Variants in BRAF observed in about 807,000 individuals in gnomAD.
BRAF encodes serine/threonine-protein kinase B-raf.
BRAF carries 16 observed loss-of-function variants against 104.6 expected under a neutral mutation model. The ratio of observed to expected loss-of-function variants is 0.15; its 90% CI spans 0.10 to 0.23. BRAF has a LOEUF of 0.23. Among genes scored for constraint, BRAF ranks in the 10% least tolerant of loss-of-function variants. The pLI is 1.00. For missense variants in BRAF, 541 were observed against 937.3 expected, an observed-to-expected ratio of 0.58 and a Z score of 5.52; for synonymous variants, 310 against 341.6, an observed-to-expected ratio of 0.91 and a Z score of 1.02.
intron 17 of BRAF, among the ~76,000 whole-genome samples, chr7:140,742,695 T>C (rs1482794296): frequency 1.3e-5 from 2 of 152,176 alleles, no homozygotes; most frequent in African/African-American, 4.8e-5. Context: ...CCAAAAGCAA[T>C]GGCAACAAAA....
At chr7:140,900,263 T>C (rs561275164) in intron 1 of BRAF, among the ~76,000 whole-genome samples, 12 of 152,276 alleles carry the variant, frequency 7.9e-5, no homozygotes, top group Non-Finnish European at 1.3e-4. Flanking sequence ...ATTTTCAATG[T>C]AGTCAAATTT....
chr7:140,758,869 C>T (rs944590816), intron 14 of BRAF, among the ~76,000 whole-genome samples: 1 of 152,214 alleles, frequency 6.6e-6, no homozygotes, highest in Admixed American at 6.5e-5. Flanking sequence ...TGACCAGTCA[C>T]AATCAATATA....
In BRAF at chr7:140,719,783, G is replaced by A. The variant is rs1795234879; in HGVS notation, c.*6711C>T. 1 of 1,062,528 alleles carries A rather than the reference G, an allele frequency of 9.4e-7. No individual in the cohort carries two copies. The highest frequency in any genetic ancestry group is 1.1e-6 in the Non-Finnish European group (1 of 877,674). The allele number at this position is 1,062,528 out of a possible 1,614,324, so 65.8% of individuals were successfully genotyped here. A position where few individuals can be genotyped will look rare whatever the true frequency, so the allele number is the denominator to read the frequency against. On this transcript the variant is annotated 3_prime_UTR_variant, in exon 20 of 20. Transcript: ENST00000644969. ...GCAAAGCAGGTATAGAGAGGTCTGT[G>A]GACAATTAAAAAGTCCCCATCTTTT...
At chr7:140,818,613 C>T (rs1041315044) in intron 3 of BRAF, among the ~76,000 whole-genome samples, 21 of 152,214 alleles carry the variant, frequency 1.4e-4, no homozygotes, top group African/African-American at 4.6e-4. Context: ...ACGCCAGCAC[C>T]GGCCAAGTGT....
rs2129018238 is a variant in BRAF, at chr7:140,776,943, C to A, written c.1783G>T (p.Asp595Tyr). The A allele has an allele frequency of 6.2e-7, 1 of 1,613,490 alleles. No homozygotes were observed. ...ETKFEMIKLIDIARQTAQGMD... is the reference protein window; with the variant it reads ...ETKFEMIKLIYIARQTAQGMD... ...CCCTGTGCAGTCTGTCGTGCAATAT[C>A]TATAAGTTTGATCATCTCAAATTTG... Residue 595 changes from aspartate (D) to tyrosine (Y), a missense_variant, in exon 14 of 20, where the codon GAT (aspartate) becomes TAT (tyrosine). Around this residue, in one of 10 missense-constraint regions of BRAF, gnomAD observed 129 missense variants for 285.8 expected, o/e 0.45. Transcript: ENST00000644969.
chr7:140,813,235 A>G (rs923906150), intron 3 of BRAF, among the ~76,000 whole-genome samples: 7 of 152,160 alleles, frequency 4.6e-5, no homozygotes, highest in Non-Finnish European at 7.4e-5. Context: ...AAAGGGAAAA[A>G]TATATGAGAG....
chr7:140,727,889 G>C (rs1795701075), intron 19 of BRAF, among the ~76,000 whole-genome samples: 1 of 152,144 alleles, frequency 6.6e-6, no homozygotes, highest in South Asian at 2.1e-4. Flanking sequence ...CCAAAGTGCT[G>C]GGATTACACG....
intron 17 of BRAF, among the ~76,000 whole-genome samples, chr7:140,742,492 C>G (rs1463398755): frequency 2.6e-5 from 4 of 152,160 alleles, no homozygotes; most frequent in African/African-American, 9.7e-5. Flanking sequence ...CCACGCCCAG[C>G]CAACATGGTG....
rs147635565 is a variant in BRAF at position 140,809,917 on chromosome 7, T to A, written c.505-922A>T. Among the ~76,000 whole-genome samples the A allele has an allele frequency of 1.1e-3, 173 of 152,310 alleles. 1 individual carries two copies. The highest frequency in any genetic ancestry group is 3.3e-3 in the East Asian group (17 of 5,188). ...CTGTATATTTAAAGTTATCTATCTTTAGCCTTTTCCTTGCCTCATCCCCCA... is the reference window on the plus strand; with the variant it reads ...CTGTATATTTAAAGTTATCTATCTTAAGCCTTTTCCTTGCCTCATCCCCCA... On this transcript the variant is annotated intron_variant, in intron 3 of 19. Transcript: ENST00000644969.
intron 3 of BRAF, among the ~76,000 whole-genome samples, chr7:140,811,046 T>C (rs912831275): frequency 6.6e-6 from 1 of 152,196 alleles, no homozygotes; most frequent in African/African-American, 2.4e-5. Context: ...AGTAAGTACA[T>C]GTGTTAGGCC....
intron 1 of BRAF, among the ~76,000 whole-genome samples, chr7:140,921,141 T>C (rs1354091198): frequency 1.3e-5 from 2 of 152,178 alleles, no homozygotes. Context: ...AGCTCCCTTC[T>C]ACAGAAACAG....
chr7:140,760,230 T>A (rs575936282), intron 14 of BRAF, among the ~76,000 whole-genome samples: 1 of 152,024 alleles, frequency 6.6e-6, no homozygotes, highest in Non-Finnish European at 1.5e-5. Flanking sequence ...CTGGCCAACA[T>A]AGTGAAACCC....
rs141414058 is a variant in BRAF at position 140,893,905 on chromosome 7, C to T, written c.138+30661G>A. ...CAGTGGCTCACTCCTGTAATCCCAGCACTTTGGGAGGCCAAGGCGAATTTG... is the reference window on the plus strand; with the variant it reads ...CAGTGGCTCACTCCTGTAATCCCAGTACTTTGGGAGGCCAAGGCGAATTTG... On this transcript the variant is annotated intron_variant, in intron 1 of 19. Coordinates refer to ENST00000644969, the MANE Select transcript of BRAF (RefSeq NM_001374258.1). Among the ~76,000 whole-genome samples the T allele has an allele frequency of 5.0e-3, 762 of 152,218 alleles. 3 individuals are homozygous for T. Among genetic ancestry groups the T allele is most frequent in the African/African-American group, 0.017 (726 of 41,534 alleles).
rs192388879 is a variant in BRAF at position 140,724,285 on chromosome 7, G to C, written c.*2209C>G. 92 of 1,057,878 alleles carry C rather than the reference G, an allele frequency of 8.7e-5. No homozygotes were observed. The South Asian group carries it at 1.3e-3, about 15-fold the overall frequency. 65.5% of individuals were successfully genotyped at this position (1,057,878 alleles called of 1,614,324 possible). The stretch of plus-strand genomic sequence containing the variant: ...AGCAGGACATGAAACACATCCTCTT[G>C]TTCAAGCCCAGGTCTCTCTACCTGC... On this transcript the variant is annotated 3_prime_UTR_variant, in exon 20 of 20. Coordinates refer to ENST00000644969, the MANE Select transcript of BRAF (RefSeq NM_001374258.1).
chr7:140,787,679 T>C (rs996718821), intron 8 of BRAF, 95 bp from the exon 9 acceptor site: 1 of 1,031,036 alleles, frequency 9.7e-7, no homozygotes, highest in East Asian at 2.5e-5. Context: ...AAAAGAATTA[T>C]TTTATTAATT....
rs1278768788 is a variant in BRAF, at chr7:140,770,001, C to CT, written c.1814+6910dup. On this transcript the variant is annotated intron_variant, in intron 14 of 19. Transcript: ENST00000644969. The stretch of plus-strand genomic sequence containing the variant: ...TATTTTAACAGCTACTTCCAGAATG[C>CT]TGTTAAGGTGGCTGGTTGCATCAGA... Among the ~76,000 whole-genome samples, 88 of 152,136 alleles carry CT rather than the reference C, an allele frequency of 5.8e-4. 1 individual carries two copies. The highest frequency in any genetic ancestry group is 3.3e-4 in the Admixed American group (5 of 15,280).
Position 140,852,178 on chromosome 7 carries a change from G to C in BRAF, c.139-1966C>G, listed in dbSNP as rs571847193. Among the ~76,000 whole-genome samples, 53 of 152,114 alleles carry C rather than the reference G, an allele frequency of 3.5e-4. 1 individual carries two copies. Among genetic ancestry groups the C allele is most frequent in the African/African-American group, 1.3e-3 (52 of 41,506 alleles). On this transcript the variant is annotated intron_variant, in intron 1 of 19. Transcript: ENST00000644969. ...GAGCCCAGGAGTTCACAACCAGCCTGGGCAACATAGCAAAACCCCATCTCC... is the reference window on the plus strand; with the variant it reads ...GAGCCCAGGAGTTCACAACCAGCCTCGGCAACATAGCAAAACCCCATCTCC...
At chr7:140,882,683 T>C (rs1002362597) in intron 1 of BRAF, among the ~76,000 whole-genome samples, 1 of 150,006 alleles carries the variant, frequency 6.7e-6, no homozygotes, top group Non-Finnish European at 1.5e-5. Flanking sequence ...CAGCCCTAAG[T>C]ATCTGTCTTA....
intron 1 of BRAF, among the ~76,000 whole-genome samples, chr7:140,911,370 C>A (rs1046917033): frequency 6.6e-6 from 1 of 152,156 alleles, no homozygotes; most frequent in Non-Finnish European, 1.5e-5. Flanking sequence ...TAAGACGACA[C>A]TGAACATTTC....
Sources: allele counts gnomAD v4.1 joint callset (sites outside exome capture counted in the v4.1 genomes callset), GRCh38; gene constraint gnomAD v4.1.1; regional missense constraint gnomAD v4.1.1; transcripts MANE v1.5; gene names NCBI Gene and HGNC (gene_info 2026-07-23, HGNC 2026-07-21).